Variants in UGT1A10 observed in about 807,000 individuals in gnomAD.
The protein encoded by UGT1A10 is UDP glucuronosyltransferase family 1 member A10.
Under a neutral mutation model 45.8 loss-of-function variants are expected in UGT1A10, and 49 were observed. The ratio of observed to expected loss-of-function variants is 1.07; its 90% CI spans 0.85 to 1.36. The LOEUF (loss-of-function observed/expected upper bound fraction) is 1.36. Ranked by LOEUF, UGT1A10 falls within the 40% of genes most tolerant of loss-of-function variation. The pLI is 0.00. For missense variants in UGT1A10, 745 were observed against 668.6 expected (o/e 1.11, Z -1.26); for synonymous variants, 284 against 249.7 (o/e 1.14, Z -1.29).
At chr2:233,746,507 C>T (rs1477077635) in intron 1 of UGT1A10, among the ~76,000 whole-genome samples, 1 of 151,718 alleles carries the variant, frequency 6.6e-6, no homozygotes, top group Non-Finnish European at 1.5e-5. Context: ...TTAGTAGCCC[C>T]CAAAGCAAGA....
At chr2:233,729,448 A>C in intron 1 of UGT1A10, 2 of 1,614,064 alleles carry the variant, frequency 1.2e-6, no homozygotes, top group South Asian at 2.2e-5. Context: ...ACATTTTCTG[A>C]AGAAATTTTT....
intron 1 of UGT1A10, among the ~76,000 whole-genome samples, chr2:233,661,768 C>T (rs1428124685): frequency 6.7e-6 from 1 of 149,860 alleles, no homozygotes; most frequent in African/African-American, 2.5e-5. Flanking sequence ...TGGTACATAT[C>T]AAGCAATTCA....
In UGT1A10 at chr2:233,743,578, G is replaced by T. The variant is rs1397276736; in HGVS notation, c.856-23456G>T. The T allele has an allele frequency of 3.7e-6, 5 of 1,367,200 alleles. No homozygotes were observed. The Admixed American group carries it at 9.5e-5, about 26-fold the overall frequency. The allele number at this position is 1,367,200 out of a possible 1,614,324, so 84.7% of individuals were successfully genotyped here. On this transcript the variant is annotated intron_variant, in intron 1 of 4. Transcript: ENST00000344644. ...TATTCTCCAGCGGGTTTCCCAAGAGGTCAAAGGAGAATGGGTCCTGGCCGC... is the reference window on the plus strand; with the variant it reads ...TATTCTCCAGCGGGTTTCCCAAGAGTTCAAAGGAGAATGGGTCCTGGCCGC...
chr2:233,756,725 G>A (rs1363632350), intron 1 of UGT1A10, among the ~76,000 whole-genome samples: 1 of 152,038 alleles, frequency 6.6e-6, no homozygotes, highest in Non-Finnish European at 1.5e-5. Flanking sequence ...TGAGATCTGA[G>A]TTCTCTTCAC....
chr2:233,673,138 T>C (rs866454769), intron 1 of UGT1A10, among the ~76,000 whole-genome samples: 1 of 152,242 alleles, frequency 6.6e-6, no homozygotes, highest in African/African-American at 2.4e-5. Context: ...TTTGTGAACA[T>C]TCTTTTAATG....
At chr2:233,641,111 A>G (rs2073440232) in intron 1 of UGT1A10, among the ~76,000 whole-genome samples, 1 of 152,118 alleles carries the variant, frequency 6.6e-6, no homozygotes. Flanking sequence ...GCACCATCCT[A>G]TAAAATCCTC....
chr2:233,718,173 A>G (rs143975074), intron 1 of UGT1A10: 25 of 238,454 alleles, frequency 1.0e-4, no homozygotes, highest in Admixed American at 2.8e-4. Flanking sequence ...TGATCATCAC[A>G]TCTTGAGCTC....
At chr2:233,688,219 T>A (rs10175809) in intron 1 of UGT1A10, among the ~76,000 whole-genome samples, 59,115 of 152,104 alleles carry the variant, frequency 0.39, 11,692 homozygotes, top group South Asian at 0.45. Context: ...TTGTGGCTTA[T>A]CCATGTTGTA....
At chr2:233,678,129 G>C (rs1280846653) in intron 1 of UGT1A10, among the ~76,000 whole-genome samples, 1 of 152,112 alleles carries the variant, frequency 6.6e-6, no homozygotes, top group Non-Finnish European at 1.5e-5. Context: ...GTACTTTTGG[G>C]CATAAAGATG....
chr2:233,741,535 C>T (rs1191111579), intron 1 of UGT1A10: 1 of 151,874 alleles, frequency 6.6e-6, no homozygotes, highest in East Asian at 1.9e-4. Context: ...CTGTCTTATT[C>T]TGATACTTCT....
In UGT1A10 at chr2:233,747,740, TC is replaced by T. The variant is rs1007845310; in HGVS notation, c.856-19292del. On this transcript the variant is annotated intron_variant, in intron 1 of 4. Coordinates refer to ENST00000344644, the MANE Select transcript of UGT1A10 (RefSeq NM_019075.4). The stretch of plus-strand genomic sequence containing the variant: ...CTGCTGTGTTTTTTTTGAGGAACAT[TC>T]CATGTGATTTAGACTTTAAGGGCAC... 68 of 1,613,430 alleles carry T rather than the reference TC, an allele frequency of 4.2e-5. No individual in the cohort carries two copies. In the Admixed American group the frequency reaches 1.1e-3, roughly 27 times the overall value.
intron 1 of UGT1A10, among the ~76,000 whole-genome samples, chr2:233,727,901 A>G (rs2077664960): frequency 6.6e-6 from 1 of 152,194 alleles, no homozygotes; most frequent in Non-Finnish European, 1.5e-5. Context: ...CGGCCAGGCA[A>G]GAAGACACAG....
At chr2:233,755,174 G>C (rs868590389) in intron 1 of UGT1A10, 4 of 1,248,738 alleles carry the variant, frequency 3.2e-6, no homozygotes, top group African/African-American at 3.0e-5. Flanking sequence ...GGTTTTTGTC[G>C]GGGTGCCACT....
chr2:233,671,461 C>T (rs1389457186), intron 1 of UGT1A10, among the ~76,000 whole-genome samples: 4 of 152,164 alleles, frequency 2.6e-5, no homozygotes, highest in African/African-American at 9.7e-5. Flanking sequence ...GTTAGGAGGT[C>T]AGTGCTAAGG....
chr2:233,766,265 G>A (rs1699086397), intron 1 of UGT1A10, among the ~76,000 whole-genome samples: 1 of 67,776 alleles, frequency 1.5e-5, no homozygotes, highest in Admixed American at 1.4e-4. Flanking sequence ...TCAGTGGCCC[G>A]GGCTCGGTGG....
intron 1 of UGT1A10, among the ~76,000 whole-genome samples, chr2:233,662,231 A>T (rs916010125): frequency 6.6e-6 from 1 of 152,226 alleles, no homozygotes; most frequent in Non-Finnish European, 1.5e-5. Context: ...TGTGTCTATA[A>T]TATGGTAGTA....
At chr2:233,765,400 T>G (rs1698825297) in intron 1 of UGT1A10, among the ~76,000 whole-genome samples, 1 of 152,170 alleles carries the variant, frequency 6.6e-6, no homozygotes, top group Admixed American at 6.5e-5. Context: ...ATGTGGTACA[T>G]ATACACCATG....
At chr2:233,661,076 AT>A (rs1426201751) in intron 1 of UGT1A10, among the ~76,000 whole-genome samples, 4 of 152,074 alleles carry the variant, frequency 2.6e-5, no homozygotes, top group African/African-American at 9.7e-5. Flanking sequence ...TAAAAGCTGC[AT>A]TTTTTATAAT....
chr2:233,691,255 A>G (rs1259562187), intron 1 of UGT1A10: 7 of 985,578 alleles, frequency 7.1e-6, no homozygotes, highest in Non-Finnish European at 8.4e-6. Context: ...AACTCAAAGC[A>G]AGATGCTGCC....
Sources: gnomAD v4.1 joint callset for allele counts (sites outside exome capture counted in the v4.1 genomes callset) on GRCh38, gnomAD v4.1.1 for gene constraint, MANE v1.5 for transcripts, NCBI Gene and HGNC (gene_info 2026-07-23, HGNC 2026-07-21) for gene names.